TTC5: variants seen among roughly 807,000 people sequenced by gnomAD.
The protein encoded by TTC5 is tetratricopeptide repeat domain 5, also known as tetratricopeptide repeat protein 5.
In TTC5, 46 loss-of-function variants were observed where a neutral mutation model predicts 57.4. The ratio of observed to expected loss-of-function variants is 0.80; its 90% CI spans 0.63 to 1.03. The LOEUF (loss-of-function observed/expected upper bound fraction) is 1.03. Ranked by LOEUF, TTC5 falls within the 50% of genes least tolerant of loss-of-function variation. The probability of loss-of-function intolerance (pLI) is 0.00; values close to 1 mark genes in which losing one functional copy is unlikely to be tolerated. For synonymous variants in TTC5, 190 were observed against 203.5 expected (o/e 0.93, Z 0.57); for missense variants, 504 against 528.1 (o/e 0.95, Z 0.45).
chr14:20,300,920 G>C (rs146738593), intron 2 of TTC5, 102 bp from the exon 3 acceptor site: 1 of 913,842 alleles, frequency 1.1e-6, no homozygotes, highest in Non-Finnish European at 1.7e-6. Flanking sequence ...AATAAAAAGA[G>C]TTGGGGAAAA....
chr14:20,299,549 A>G, intron 3 of TTC5, 101 bp from the exon 4 acceptor site: 1 of 1,375,346 alleles, frequency 7.3e-7, no homozygotes, highest in East Asian at 2.3e-5. Flanking sequence ...TTACCTTTCT[A>G]AGTTTTTTGT....
rs545540931 is a variant in TTC5 at position 20,305,515 on chromosome 14, T to TA, written c.51+371dup. ...TGCCAAATTCAAAGCAGAAAGGTGT[T>TA]AAATGGCTTTTGTAGGGATCAAAAC... On this transcript the variant is annotated intron_variant, in intron 1 of 9. Coordinates refer to ENST00000258821, the MANE Select transcript of TTC5 (RefSeq NM_138376.3). 2.5e-4 allele frequency: 58 copies of TA among 231,328 alleles called. No homozygotes were observed. The East Asian group carries it at 2.9e-3, about 12-fold the overall frequency. 14.3% of individuals were successfully genotyped at this position (231,328 alleles called of 1,614,324 possible).
intron 8 of TTC5, 138 bp downstream of exon 8, chr14:20,295,174 C>G: frequency 5.4e-6 from 4 of 747,384 alleles, no homozygotes; most frequent in Non-Finnish European, 8.9e-6. Context: ...AATATCTGCC[C>G]ACGGGATAGT....
Position 20,295,405 on chromosome 14 carries a change from T to A in TTC5, c.965A>T (p.Lys322Met). 1.9e-6 allele frequency: 3 copies of A among 1,614,202 alleles called. No homozygotes were observed. The highest frequency in any genetic ancestry group is 2.5e-6 in the Non-Finnish European group (3 of 1,180,034). ...CCCAGGCTGAAGCGTACTCAGTGGC[T>A]TGAGCTCCAGGGTCACTTTCTGCCC... ...ASGQKVTLEL[K>M]PLSTLQPGVN... The change falls in exon 8 of 10, where the codon AAG becomes ATG. Residue 322 changes from lysine (K) to methionine (M), a missense_variant. Transcript: ENST00000258821.
Position 20,301,927 on chromosome 14 carries a change from AT to A in TTC5, c.89del (p.Tyr30PhefsTer31). The A allele has an allele frequency of 6.2e-7, 1 of 1,614,104 alleles. No homozygotes were observed. Among genetic ancestry groups the A allele is most frequent in the Non-Finnish European group, 8.5e-7 (1 of 1,180,010 alleles). ...CATCCTCAACACTATGTGTCTCGAA[AT>A]AGCAGTCTCGAAATGAGTAGAGCTG... ...VDQLYSFRDC[Y>X]FETHSVEDAG... On this transcript the variant is annotated frameshift_variant, in exon 2 of 10. Coordinates refer to ENST00000258821, the MANE Select transcript of TTC5 (RefSeq NM_138376.3). LOFTEE classifies it high-confidence loss of function.
chr14:20,298,828 G>C lies in TTC5; in HGVS notation c.608C>G (p.Ser203Cys), dbSNP rs753791566. The change falls in exon 5 of 10, where the codon TCC (serine) becomes TGC (cysteine). Residue 203 changes from serine (S) to cysteine (C), a missense_variant. By Grantham distance (112) the Ser-to-Cys change is moderately radical. Coordinates refer to ENST00000258821, the MANE Select transcript of TTC5 (RefSeq NM_138376.3). ...GGCATAGGCACTGAGGGCTTGCTGG[G>C]AGATCTTAGGGTTCTGGCCAGTAGA... ...YFSTGQNPKI[S>C]QQALSAYAQA... 6.2e-7 allele frequency: 1 copy of C among 1,614,028 alleles called. No individual in the cohort carries two copies. Among genetic ancestry groups the C allele is most frequent in the Non-Finnish European group, 8.5e-7 (1 of 1,179,896 alleles).
intron 4 of TTC5, among the ~76,000 whole-genome samples, 160 bp from the exon 5 acceptor site, chr14:20,299,048 C>T (rs991410255): frequency 2.0e-5 from 3 of 152,150 alleles, no homozygotes. Flanking sequence ...GATAGAGCAC[C>T]AAGGACACCA....
rs1471030069 is a variant in TTC5, at chr14:20,287,462, A to C, written c.*2165T>G. On this transcript the variant is annotated 3_prime_UTR_variant, in exon 10 of 10. Transcript: ENST00000258821. ...ATATCCTTTAACAACAGGATGAATA[A>C]ATTATGGTATAATCATACAATGAGA... The C allele has an allele frequency of 6.6e-6, 1 of 152,230 alleles. No individual in the cohort carries two copies. The highest frequency in any genetic ancestry group is 2.4e-5 in the African/African-American group (1 of 41,448). 9.4% of individuals were successfully genotyped at this position (152,230 alleles called of 1,614,324 possible). A position where few individuals can be genotyped will look rare whatever the true frequency, so the allele number is the denominator to read the frequency against.
At chr14:20,305,674 G>T (rs1882275912) in intron 1 of TTC5, 1 of 602,838 alleles carries the variant, frequency 1.7e-6, no homozygotes, top group Non-Finnish European at 3.0e-6. Flanking sequence ...TTCCATACAG[G>T]ACTGAAATTA....
chr14:20,298,903 C>T lies in TTC5; in HGVS notation c.548-15G>A. 1 of 1,573,490 alleles carries T rather than the reference C, an allele frequency of 6.4e-7. No homozygotes were observed. The highest frequency in any genetic ancestry group is 8.7e-7 in the Non-Finnish European group (1 of 1,143,302). On this transcript the variant is annotated splice_polypyrimidine_tract_variant and intron_variant, in intron 4 of 9. Coordinates refer to ENST00000258821, the MANE Select transcript of TTC5 (RefSeq NM_138376.3). ...CCCAAGAATATCTGAAAGAGAAACA[C>T]AGTGACAAATCATCTCAGAGTCCAA... is the stretch of plus-strand genomic sequence containing the variant.
intron 5 of TTC5, 93 bp from the exon 6 acceptor site, chr14:20,296,539 A>ACTTCCATTTCTC: frequency 9.6e-7 from 1 of 1,039,746 alleles, no homozygotes; most frequent in Non-Finnish European, 1.5e-6. Flanking sequence ...TTCTAGAGAA[A>ACTTCCATTTCTC]TGGAAGTTTC....
At position 20,295,752 on chromosome 14, in the gene TTC5, G is replaced by A. The variant is rs1441146795; in HGVS notation, c.799C>T (p.Leu267Phe). 2 of 1,614,096 alleles carry A rather than the reference G, an allele frequency of 1.2e-6. No individual in the cohort carries two copies. Among genetic ancestry groups the A allele is most frequent in the Non-Finnish European group, 8.5e-7 (1 of 1,180,004 alleles). Residue 267 changes from leucine to phenylalanine, a missense_variant, in exon 7 of 10, where the codon CTT becomes TTT. Coordinates refer to ENST00000258821, the MANE Select transcript of TTC5 (RefSeq NM_138376.3). ...GTTAATCTATCCAGGAATTCCAGAA[G>A]TTGTTGCTCTCGTTGCCGGGGCTCT... ...WPEPRQREQQ[L>F]LEFLDRLTSL...
At chr14:20,290,452 T>C (rs1183310245) in intron 9 of TTC5, among the ~76,000 whole-genome samples, 2 of 152,196 alleles carry the variant, frequency 1.3e-5, no homozygotes, top group Non-Finnish European at 2.9e-5. Flanking sequence ...ACACAAAAAA[T>C]GGCAATTTAT....
intron 3 of TTC5, among the ~76,000 whole-genome samples, chr14:20,300,145 A>ATGTGTGTGTG (rs1555311667): frequency 2.2e-3 from 97 of 43,344 alleles, no homozygotes; most frequent in South Asian, 2.8e-3. Flanking sequence ...TGGTCCATGT[A>ATGTGTGTGTG]TATATATATA....
At chr14:20,302,484 C>G (rs1882213316) in intron 1 of TTC5, among the ~76,000 whole-genome samples, 1 of 152,190 alleles carries the variant, frequency 6.6e-6, no homozygotes, top group Non-Finnish European at 1.5e-5. Context: ...TCATTGTTTT[C>G]CACCACAAAC....
chr14:20,304,678 T>C (rs1304015252), intron 1 of TTC5, among the ~76,000 whole-genome samples: 1 of 152,190 alleles, frequency 6.6e-6, no homozygotes, highest in Non-Finnish European at 1.5e-5. Flanking sequence ...GAAAAGACAA[T>C]TCTCATAAAA....
chr14:20,289,356 C>G lies in TTC5; in HGVS notation c.*271G>C. 1 of 278,522 alleles carries G rather than the reference C, an allele frequency of 3.6e-6. No homozygotes were observed. Among genetic ancestry groups the G allele is most frequent in the Non-Finnish European group, 6.7e-6 (1 of 148,502 alleles). The allele number at this position is 278,522 out of a possible 1,614,324, so 17.3% of individuals were successfully genotyped here. Reference sequence around the variant, plus strand: ...GTCCCATGGCAAGATCCCAAGACTTCTACCAATTCCATGCTCTTTGCTTAA... The same window carrying G: ...GTCCCATGGCAAGATCCCAAGACTTGTACCAATTCCATGCTCTTTGCTTAA... On this transcript the variant is annotated 3_prime_UTR_variant, in exon 10 of 10. Transcript: ENST00000258821.
At chr14:20,298,706 G>T in intron 5 of TTC5, 91 bp downstream of exon 5, 1 of 922,544 alleles carries the variant, frequency 1.1e-6, no homozygotes, top group Non-Finnish European at 1.7e-6. Flanking sequence ...CACTGCCCAT[G>T]ATGCTTGCTA....
In TTC5 at chr14:20,288,176, T is replaced by G. The variant is rs1354878152; in HGVS notation, c.*1451A>C. 1 of 133,536 alleles carries G rather than the reference T, an allele frequency of 7.5e-6. No homozygotes were observed. Among genetic ancestry groups the G allele is most frequent in the African/African-American group, 2.6e-5 (1 of 38,344 alleles). The allele number at this position is 133,536 out of a possible 1,614,324, so 8.3% of individuals were successfully genotyped here. On this transcript the variant is annotated 3_prime_UTR_variant, in exon 10 of 10. Coordinates refer to ENST00000258821, the MANE Select transcript of TTC5 (RefSeq NM_138376.3). ...GACTCAGCCTTTATGACTTCTTAGATAGAGACAGATAGATAGATAGATAGA... is the reference window on the plus strand; with the variant it reads ...GACTCAGCCTTTATGACTTCTTAGAGAGAGACAGATAGATAGATAGATAGA...
Sources: gnomAD v4.1 joint callset for allele counts (sites outside exome capture counted in the v4.1 genomes callset) on GRCh38, gnomAD v4.1.1 for gene constraint, MANE v1.5 for transcripts, NCBI Gene and HGNC (gene_info 2026-07-23, HGNC 2026-07-21) for gene names.